EXOC6B: variants seen among roughly 807,000 people sequenced by gnomAD.
EXOC6B encodes the protein exocyst complex component 6B, also known as SEC15 homolog B.
A neutral mutation model predicts 113.5 loss-of-function variants in EXOC6B; 54 were observed. That is an observed-to-expected ratio of 0.48 (90% CI 0.38 to 0.60). The LOEUF is 0.60. EXOC6B is among the 20% of genes least tolerant of loss of function. The pLI, the probability that EXOC6B is intolerant of heterozygous loss-of-function variation, is 0.00. For synonymous variants in EXOC6B, 357 were observed against 339.0 expected, an observed-to-expected ratio of 1.05 and a Z score of -0.58; for missense variants, 797 against 977.5, an observed-to-expected ratio of 0.82 and a Z score of 2.46.
chr2:72,329,762 C>T (rs1688328608), intron 20 of EXOC6B, among the ~76,000 whole-genome samples: 1 of 152,064 alleles, frequency 6.6e-6, no homozygotes, highest in African/African-American at 2.4e-5. Flanking sequence ...CGGGTGTTAA[C>T]TAACCAAAGG....
intron 13 of EXOC6B, among the ~76,000 whole-genome samples, chr2:72,497,036 T>C (rs945991258): frequency 2.0e-5 from 3 of 150,760 alleles, no homozygotes; most frequent in Middle Eastern, 3.2e-3. Context: ...TGCAGTGGCA[T>C]GATCGTAGCT....
intron 6 of EXOC6B, among the ~76,000 whole-genome samples, chr2:72,577,893 C>T (rs903957139): frequency 6.6e-6 from 1 of 152,006 alleles, no homozygotes; most frequent in Non-Finnish European, 1.5e-5. Flanking sequence ...GGAATACAAA[C>T]AGCAGCTAGA....
chr2:72,661,991 T>C (rs1004912015), intron 6 of EXOC6B, among the ~76,000 whole-genome samples: 12 of 149,644 alleles, frequency 8.0e-5, no homozygotes, highest in South Asian at 4.2e-4. Flanking sequence ...TTATATGGTG[T>C]TGGAACAATT....
At chr2:72,180,257 G>A (rs1677998232) in intron 21 of EXOC6B, among the ~76,000 whole-genome samples, 1 of 152,190 alleles carries the variant, frequency 6.6e-6, no homozygotes, top group Non-Finnish European at 1.5e-5. Context: ...ACAAACCATG[G>A]GTAATTCTGG....
intron 11 of EXOC6B, among the ~76,000 whole-genome samples, chr2:72,508,481 A>C (rs1210356407): frequency 1.3e-5 from 2 of 152,080 alleles, no homozygotes; most frequent in Non-Finnish European, 2.9e-5. Flanking sequence ...TCTTATAAAA[A>C]ATTAAGCCGG....
intron 20 of EXOC6B, among the ~76,000 whole-genome samples, chr2:72,329,191 GC>G (rs910028631): frequency 2.6e-5 from 4 of 152,058 alleles, no homozygotes; most frequent in African/African-American, 9.7e-5. Flanking sequence ...CTGCTCAGTA[GC>G]TGTTCAGTAA....
In EXOC6B at chr2:72,179,435, T is replaced by C. The variant is rs1180692924; in HGVS notation, c.2336A>G (p.Asn779Ser). 4 of 1,613,742 alleles carry C rather than the reference T, an allele frequency of 2.5e-6. No individual in the cohort carries two copies. Among genetic ancestry groups the C allele is most frequent in the Non-Finnish European group, 3.4e-6 (4 of 1,179,888 alleles). Reference sequence around the variant, plus strand: ...ATTTTTCCGAAACTGTGCAAACATGTTGTTCTTGCGGCTAGTATCCTTCAT... The same window carrying C: ...ATTTTTCCGAAACTGTGCAAACATGCTGTTCTTGCGGCTAGTATCCTTCAT... ...EKMKDTSRKN[N>S]MFAQFRKNER... Residue 779 changes from asparagine to serine, a missense_variant, in exon 22 of 22, where the codon AAC (asparagine) becomes AGC (serine). Coordinates refer to ENST00000272427, the MANE Select transcript of EXOC6B (RefSeq NM_015189.3).
intron 19 of EXOC6B, among the ~76,000 whole-genome samples, chr2:72,373,347 G>A (rs1232890688): frequency 6.6e-6 from 1 of 151,960 alleles, no homozygotes; most frequent in Non-Finnish European, 1.5e-5. Flanking sequence ...GAGCCACCGT[G>A]CCTGGCCTGG....
intron 18 of EXOC6B, among the ~76,000 whole-genome samples, chr2:72,446,694 G>T (rs1696605319): frequency 6.6e-6 from 1 of 152,130 alleles, no homozygotes; most frequent in African/African-American, 2.4e-5. Flanking sequence ...CCTGGGTGAT[G>T]AAATAATCTG....
At chr2:72,312,800 C>CAAAAAA (rs11288459) in intron 20 of EXOC6B, among the ~76,000 whole-genome samples, 1 of 113,438 alleles carries the variant, frequency 8.8e-6, no homozygotes, top group Non-Finnish European at 2.0e-5. Flanking sequence ...AAACGACAAC[C>CAAAAAA]AAAAAAAAAA....
intron 8 of EXOC6B, among the ~76,000 whole-genome samples, chr2:72,525,784 T>G (rs1046342298): frequency 6.6e-6 from 1 of 152,074 alleles, no homozygotes; most frequent in Non-Finnish European, 1.5e-5. Flanking sequence ...ATCCCATCAT[T>G]TTCTTCAGCG....
chr2:72,498,785 A>G (rs1033910381), intron 12 of EXOC6B, among the ~76,000 whole-genome samples: 2 of 152,110 alleles, frequency 1.3e-5, no homozygotes, highest in Non-Finnish European at 2.9e-5. Context: ...GAAAAAGATG[A>G]AAATTAAAAT....
Position 72,793,958 on chromosome 2 carries a change from C to T in EXOC6B, c.113+31840G>A, listed in dbSNP as rs111895907. On this transcript the variant is annotated intron_variant, in intron 1 of 21. Transcript: ENST00000272427. ...GTTGAGAAAATAACTCAGCATCCAC[C>T]GAAGCCATGGTATGCCAGCAGGAGC... 7.2e-5 allele frequency among the ~76,000 whole-genome samples: 11 copies of T among 152,254 alleles called. 1 individual carries two copies. Among genetic ancestry groups the T allele is most frequent in the South Asian group, 4.1e-4 (2 of 4,824 alleles).
intron 1 of EXOC6B, among the ~76,000 whole-genome samples, chr2:72,799,309 C>A (rs1685157081): frequency 6.7e-6 from 1 of 149,718 alleles, no homozygotes; most frequent in Non-Finnish European, 1.5e-5. Flanking sequence ...GGGGCTCAGG[C>A]CTATAATCCT....
chr2:72,319,604 C>T (rs1440304250), intron 20 of EXOC6B, among the ~76,000 whole-genome samples: 4 of 152,034 alleles, frequency 2.6e-5, no homozygotes, highest in Non-Finnish European at 5.9e-5. Context: ...TTGGAATGAA[C>T]AATTAAACAT....
intron 7 of EXOC6B, among the ~76,000 whole-genome samples, chr2:72,565,444 T>C (rs1304336226): frequency 6.8e-6 from 1 of 146,002 alleles, no homozygotes; most frequent in African/African-American, 2.5e-5. Context: ...GCTATGAAAC[T>C]CTAAACCTTT....
At chr2:72,484,820 T>C (rs1255115399) in intron 16 of EXOC6B, among the ~76,000 whole-genome samples, 6 of 152,210 alleles carry the variant, frequency 3.9e-5, no homozygotes, top group African/African-American at 1.2e-4. Context: ...ATGATGTATA[T>C]GTACCACATT....
In EXOC6B at chr2:72,499,898, T is replaced by C; in HGVS notation, c.1239+3A>G. Reference sequence around the variant, plus strand: ...TGAGCATATGTAAACAGAAATCACATACCTGAAGTGTGTCAGCAAAAAGCA... The same window carrying C: ...TGAGCATATGTAAACAGAAATCACACACCTGAAGTGTGTCAGCAAAAAGCA... On this transcript the variant is annotated splice_donor_region_variant and intron_variant, in intron 12 of 21. Transcript: ENST00000272427. 1 of 1,547,052 alleles carries C rather than the reference T, an allele frequency of 6.5e-7. No homozygotes were observed. Among genetic ancestry groups the C allele is most frequent in the Non-Finnish European group, 8.8e-7 (1 of 1,142,060 alleles).
Position 72,310,518 on chromosome 2 carries a change from T to C in EXOC6B, c.2196+24429A>G, listed in dbSNP as rs533675864. ...ATTATTAAATTGTAAGAGTTCTTTATATATTCTGGACAGAAGTCTCTTACC... is the reference window on the plus strand; with the variant it reads ...ATTATTAAATTGTAAGAGTTCTTTACATATTCTGGACAGAAGTCTCTTACC... On this transcript the variant is annotated intron_variant, in intron 20 of 21. Transcript: ENST00000272427. Among the ~76,000 whole-genome samples the C allele has an allele frequency of 3.7e-4, 57 of 152,308 alleles. 2 individuals are homozygous for C. In the South Asian group the frequency reaches 0.011, roughly 30 times the overall value.
Sources: gnomAD v4.1 joint callset for allele counts (sites outside exome capture counted in the v4.1 genomes callset) on GRCh38, gnomAD v4.1.1 for gene constraint, MANE v1.5 for transcripts, NCBI Gene and HGNC (gene_info 2026-07-23, HGNC 2026-07-21) for gene names.